Variants in EPHB2 observed in about 807,000 individuals in gnomAD.
The protein encoded by EPHB2 is EPH receptor B2.
Under a neutral mutation model 96.4 loss-of-function variants are expected in EPHB2, and 18 were observed. That is an observed-to-expected ratio of 0.19 (90% confidence interval 0.13 to 0.28). The LOEUF is 0.28. EPHB2 is among the 10% of genes least tolerant of loss of function. The pLI is 1.00. For synonymous variants in EPHB2, 506 were observed against 534.1 expected, an observed-to-expected ratio of 0.95 and a Z score of 0.72; for missense variants, 989 against 1,355.4, an observed-to-expected ratio of 0.73 and a Z score of 4.25.
intron 12 of EPHB2, 124 bp downstream of exon 12, chr1:22,908,292 G>A (rs1256742318): frequency 8.9e-7 from 1 of 1,125,836 alleles, no homozygotes; most frequent in Admixed American, 2.0e-5. Context: ...GGGCCCTGGA[G>A]ACAGGAAGAC....
intron 1 of EPHB2, among the ~76,000 whole-genome samples, chr1:22,753,333 C>T (rs748116616): frequency 6.6e-6 from 1 of 152,178 alleles, no homozygotes; most frequent in African/African-American, 2.4e-5. Flanking sequence ...TGAGTCACTG[C>T]ACATCAAATG....
intron 5 of EPHB2, among the ~76,000 whole-genome samples, chr1:22,870,295 T>C (rs1490370744): frequency 6.6e-6 from 1 of 152,146 alleles, no homozygotes; most frequent in African/African-American, 2.4e-5. Context: ...CTGCCTCATA[T>C]TCATGAGTCG....
chr1:22,912,502 G>T lies in EPHB2; in HGVS notation c.2755G>T (p.Asp919Tyr). ...CGACTACACCAGCTTTAACACGGTG[G>T]ACGAGTGGCTGGAGGCCATCAAGAT... ...IPDYTSFNTV[D>Y]EWLEAIKMGQ... Residue 919 changes from aspartate to tyrosine, a missense_variant, in exon 15 of 16, where the codon GAC becomes TAC. Physicochemically the swap from Asp to Tyr is radical, Grantham distance 160. Transcript: ENST00000374630. 1 of 1,614,172 alleles carries T rather than the reference G, an allele frequency of 6.2e-7. No homozygotes were observed. The highest frequency in any genetic ancestry group is 1.3e-5 in the African/African-American group (1 of 75,042).
intron 5 of EPHB2, among the ~76,000 whole-genome samples, chr1:22,874,501 AGG>A (rs1638774772): frequency 6.6e-6 from 1 of 152,224 alleles, no homozygotes; most frequent in Non-Finnish European, 1.5e-5. Context: ...ACTTATGGGT[AGG>A]GCCAGGTAAC....
intron 5 of EPHB2, among the ~76,000 whole-genome samples, chr1:22,868,022 C>G (rs935888818): frequency 9.9e-5 from 15 of 152,228 alleles, no homozygotes; most frequent in African/African-American, 3.1e-4. Flanking sequence ...CTCTTTCTAA[C>G]TGGTAGAAGC....
rs565496616 is a variant in EPHB2 at position 22,858,356 on chromosome 1, C to T, written c.812-4681C>T. On this transcript the variant is annotated intron_variant, in intron 3 of 15. Transcript: ENST00000374630. The surrounding 1 kb of genome is among the most constrained non-coding windows in gnomAD (Gnocchi z 7.7). ...GCACGAGGGAGTTTAGACAAGATGC[C>T]GCAGGTCTGATTCATTTTAAACAGA... Among the ~76,000 whole-genome samples the T allele has an allele frequency of 2.0e-3, 305 of 152,084 alleles. 2 individuals carry two copies. Among genetic ancestry groups the T allele is most frequent in the African/African-American group, 6.9e-3 (288 of 41,468 alleles).
chr1:22,761,580 G>A (rs1283427753), intron 1 of EPHB2, among the ~76,000 whole-genome samples: 1 of 152,190 alleles, frequency 6.6e-6, no homozygotes, highest in Admixed American at 6.5e-5. Flanking sequence ...CCGTTCCCTT[G>A]TCTGTAAAAT....
chr1:22,913,517 A>T lies in EPHB2; in HGVS notation c.2908A>T (p.Ser970Cys). Residue 970 changes from serine to cysteine, a missense_variant, in exon 16 of 16, where the codon AGT becomes TGT. Ser to Cys is a moderately radical substitution (Grantham distance 112, BLOSUM62 -1). Transcript: ENST00000374630. The surrounding 1 kb of genome is among the most constrained non-coding windows in gnomAD (Gnocchi z 4.1). ...TGGCCACCAGAAAAAAATCCTGAAC[A>T]GTATCCAGGTGATGCGGGCGCAGAT... The part of the protein sequence containing the change: ...LAGHQKKILN[S>C]IQVMRAQMNQ... 6.2e-7 allele frequency: 1 copy of T among 1,614,206 alleles called. No homozygotes were observed. Among genetic ancestry groups the T allele is most frequent in the African/African-American group, 1.3e-5 (1 of 75,048 alleles).
chr1:22,781,928 C>T (rs536510506), intron 2 of EPHB2, among the ~76,000 whole-genome samples: 14 of 152,140 alleles, frequency 9.2e-5, no homozygotes, highest in Non-Finnish European at 1.6e-4. Context: ...GCCACCTGCC[C>T]AGGGCCCTAT....
intron 1 of EPHB2, among the ~76,000 whole-genome samples, chr1:22,760,323 A>G (rs1570229845): frequency 6.6e-6 from 1 of 152,222 alleles, no homozygotes; most frequent in South Asian, 2.1e-4. Context: ...AATTTTGGCA[A>G]ATAGGGTGGG....
rs1336453212 is a variant in EPHB2 at position 22,915,904 on chromosome 1, G to C, written c.*2334G>C. ...GCCAGTGAGAAAGATTCGGGCCACA[G>C]GCAGCCAGCTAGAAGCGCCACGGTC... On this transcript the variant is annotated 3_prime_UTR_variant, in exon 16 of 16. Transcript: ENST00000374630. 6.6e-6 allele frequency: 1 copy of C among 152,400 alleles called. No homozygotes were observed. The highest frequency in any genetic ancestry group is 6.5e-5 in the Admixed American group (1 of 15,286). The allele number at this position is 152,400 out of a possible 1,614,324, so 9.4% of individuals were successfully genotyped here. A position where few individuals can be genotyped will look rare whatever the true frequency, so the allele number is the denominator to read the frequency against.
rs1040904793 is a variant in EPHB2 at position 22,858,191 on chromosome 1, C to T, written c.812-4846C>T. On this transcript the variant is annotated intron_variant, in intron 3 of 15. Transcript: ENST00000374630. This position sits in a 1 kb window ranked among gnomAD's most constrained non-coding sequence, Gnocchi z 7.7. ...GGCCAAAGGCCTGGAGGTGAGAGCGCATTCGATGACCACAGGCAGGAGCGC... is the reference window on the plus strand; with the variant it reads ...GGCCAAAGGCCTGGAGGTGAGAGCGTATTCGATGACCACAGGCAGGAGCGC... Among the ~76,000 whole-genome samples, 5 of 151,910 alleles carry T rather than the reference C, an allele frequency of 3.3e-5. No homozygotes were observed. Among genetic ancestry groups the T allele is most frequent in the Admixed American group, 2.6e-4 (4 of 15,246 alleles).
intron 3 of EPHB2, among the ~76,000 whole-genome samples, chr1:22,845,836 A>G (rs1645533229): frequency 6.6e-6 from 1 of 152,114 alleles, no homozygotes; most frequent in Non-Finnish European, 1.5e-5. Context: ...GATTGCTCTA[A>G]ATGGCCATGT....
chr1:22,800,951 T>C (rs114961304), intron 3 of EPHB2, among the ~76,000 whole-genome samples: 1 of 152,144 alleles, frequency 6.6e-6, no homozygotes, highest in East Asian at 1.9e-4. Context: ...TGCGCAACGC[T>C]CCATCCCTGG....
intron 1 of EPHB2, among the ~76,000 whole-genome samples, chr1:22,745,469 C>T (rs1319007036): frequency 1.3e-5 from 2 of 152,152 alleles, no homozygotes; most frequent in Non-Finnish European, 2.9e-5. Context: ...GGACAGGACA[C>T]GAGGAACTTT....
At chr1:22,750,669 G>A (rs80351035) in intron 1 of EPHB2, among the ~76,000 whole-genome samples, 9,390 of 152,220 alleles carry the variant, frequency 0.062, 823 homozygotes, top group African/African-American at 0.19. Context: ...CTAGGGAGCT[G>A]GAATGCCAGG....
chr1:22,868,247 T>C (rs1638548989), intron 5 of EPHB2, among the ~76,000 whole-genome samples: 2 of 152,020 alleles, frequency 1.3e-5, no homozygotes. Context: ...TTCCGGGGAA[T>C]AGGCACACAG....
chr1:22,762,551 GC>G (rs968118719), intron 1 of EPHB2, among the ~76,000 whole-genome samples: 2 of 152,114 alleles, frequency 1.3e-5, no homozygotes, highest in African/African-American at 4.8e-5. Flanking sequence ...GTGTGAGTGG[GC>G]TTCTGAGACT....
At chr1:22,854,507 G>A (rs1645671478) in intron 3 of EPHB2, among the ~76,000 whole-genome samples, 2 of 152,288 alleles carry the variant, frequency 1.3e-5, no homozygotes, top group Non-Finnish European at 2.9e-5. Context: ...GTGAGAACCT[G>A]TCTCAAAAGA....
Sources: gnomAD v4.1 joint callset for allele counts (sites outside exome capture counted in the v4.1 genomes callset) on GRCh38, gnomAD v4.1.1 for gene constraint, Gnocchi (gnomAD v3.1) non-coding constraint, MANE v1.5 for transcripts, NCBI Gene and HGNC (gene_info 2026-07-23, HGNC 2026-07-21) for gene names.